FRMD4B: variants seen among roughly 807,000 people sequenced by gnomAD.
The protein encoded by FRMD4B is FERM domain containing 4B, also known as FERM domain-containing protein 4B.
In FRMD4B, 74 loss-of-function variants were observed where a neutral mutation model predicts 141.5. That is an observed-to-expected ratio of 0.52 (90% confidence interval 0.43 to 0.63). The LOEUF (loss-of-function observed/expected upper bound fraction) is 0.63, where lower values mean the gene tolerates loss of function less well. Among genes scored for constraint, FRMD4B ranks in the 30% least tolerant of loss-of-function variants. The pLI is 0.00. For synonymous variants in FRMD4B, 506 were observed against 467.9 expected, an observed-to-expected ratio of 1.08 and a Z score of -1.05; for missense variants, 1,366 against 1,253.4, an observed-to-expected ratio of 1.09 and a Z score of -1.36.
intron 1 of FRMD4B, among the ~76,000 whole-genome samples, chr3:69,486,389 G>T (rs919649469): frequency 1.3e-5 from 2 of 152,014 alleles, no homozygotes; most frequent in Non-Finnish European, 2.9e-5. Context: ...CTCCCTGCAA[G>T]TCCCCAAAGT....
chr3:69,314,598 G>A (rs950968914), intron 1 of FRMD4B, among the ~76,000 whole-genome samples: 3 of 151,820 alleles, frequency 2.0e-5, no homozygotes, highest in Non-Finnish European at 4.4e-5. Context: ...CTTTGGGGGG[G>A]CCAATCAGGG....
intron 2 of FRMD4B, among the ~76,000 whole-genome samples, chr3:69,426,119 T>C (rs905153678): frequency 6.6e-6 from 1 of 152,222 alleles, no homozygotes; most frequent in Non-Finnish European, 1.5e-5. Flanking sequence ...GCATATGCCA[T>C]GTTATCAATA....
At chr3:69,495,970 G>C (rs973303783) in intron 1 of FRMD4B, among the ~76,000 whole-genome samples, 1 of 152,100 alleles carries the variant, frequency 6.6e-6, no homozygotes, top group African/African-American at 2.4e-5. Flanking sequence ...ATGAGTATAT[G>C]GTTTGCAGCC....
chr3:69,295,877 C>T (rs1575702767), intron 4 of FRMD4B, among the ~76,000 whole-genome samples: 2 of 152,064 alleles, frequency 1.3e-5, no homozygotes, highest in Non-Finnish European at 1.5e-5. Context: ...AGTGCAATGG[C>T]GTGATCTTGG....
chr3:69,289,483 C>G (rs1318719899), intron 4 of FRMD4B, among the ~76,000 whole-genome samples: 2 of 152,158 alleles, frequency 1.3e-5, no homozygotes, highest in Admixed American at 6.5e-5. Flanking sequence ...ACACTGTAAC[C>G]CACAACCTGT....
chr3:69,501,567 T>C (rs915395450), intron 1 of FRMD4B, among the ~76,000 whole-genome samples: 1 of 151,992 alleles, frequency 6.6e-6, no homozygotes, highest in Non-Finnish European at 1.5e-5. Flanking sequence ...AAGGCTGAGG[T>C]AATATCACAC....
At chr3:69,236,018 T>C (rs1292082514) in intron 7 of FRMD4B, among the ~76,000 whole-genome samples, 5 of 152,160 alleles carry the variant, frequency 3.3e-5, no homozygotes, top group African/African-American at 1.2e-4. Flanking sequence ...AAATATGTAT[T>C]GCTTAGGTGA....
chr3:69,245,910 TCAC>T (rs2093422990), intron 7 of FRMD4B, among the ~76,000 whole-genome samples: 1 of 143,950 alleles, frequency 6.9e-6, no homozygotes, highest in African/African-American at 2.6e-5. Context: ...TGATCTCGGC[TCAC>T]CACAACCTCT....
chr3:69,378,671 AT>A (rs1411974638), intron 1 of FRMD4B, among the ~76,000 whole-genome samples: 1 of 152,054 alleles, frequency 6.6e-6, no homozygotes, highest in Non-Finnish European at 1.5e-5. Context: ...TGCCAGTGGT[AT>A]TTCTAAATCA....
Position 69,215,284 on chromosome 3 carries a change from CTT to C in FRMD4B, c.876+977_876+978del, listed in dbSNP as rs577275162. On this transcript the variant is annotated intron_variant, in intron 11 of 22. Coordinates refer to ENST00000398540, the MANE Select transcript of FRMD4B (RefSeq NM_015123.3). ...TCCAAATCTGATAGATTGTGACCCTCTTTTTTTTTTTTTTTTTTTTTTTTTTG... is the reference window on the plus strand; with the variant it reads ...TCCAAATCTGATAGATTGTGACCCTCTTTTTTTTTTTTTTTTTTTTTTTTG... 7.6e-3 allele frequency among the ~76,000 whole-genome samples: 344 copies of C among 45,134 alleles called. 1 individual carries two copies. The highest frequency in any genetic ancestry group is 0.023 in the Middle Eastern group (1 of 44). The allele number at this position is 45,134 out of a possible 152,430, so 29.6% of individuals were successfully genotyped here.
chr3:69,424,902 T>G (rs62252260), intron 2 of FRMD4B, among the ~76,000 whole-genome samples: 48,894 of 151,962 alleles, frequency 0.32, 7,988 homozygotes, highest in African/African-American at 0.34. Context: ...TATAGAAAAA[T>G]CACAGGTGCT....
At chr3:69,219,817 C>T (rs2093177045) in intron 9 of FRMD4B, among the ~76,000 whole-genome samples, 2 of 152,164 alleles carry the variant, frequency 1.3e-5, no homozygotes, top group African/African-American at 2.4e-5. Flanking sequence ...GTTCTCCTCC[C>T]TGTCTCCATG....
intron 11 of FRMD4B, among the ~76,000 whole-genome samples, chr3:69,204,236 G>A (rs2092999603): frequency 6.6e-6 from 1 of 152,144 alleles, no homozygotes; most frequent in Non-Finnish European, 1.5e-5. Flanking sequence ...GACCTTCCCA[G>A]GGGCATGAAA....
intron 1 of FRMD4B, among the ~76,000 whole-genome samples, chr3:69,444,470 T>A (rs1362344670): frequency 6.6e-6 from 1 of 152,170 alleles, no homozygotes; most frequent in Non-Finnish European, 1.5e-5. Context: ...GTGTTGTGAT[T>A]ATTGACATAA....
At chr3:69,317,754 C>CAAAAAAAAA (rs765280161) in intron 1 of FRMD4B, among the ~76,000 whole-genome samples, 3 of 52,600 alleles carry the variant, frequency 5.7e-5, no homozygotes, top group Admixed American at 2.7e-4. Context: ...GACACCAACT[C>CAAAAAAAAA]AAAAAAAAAA....
At chr3:69,541,341 G>A (rs1701181233) in intron 1 of FRMD4B, 1 of 152,228 alleles carries the variant, frequency 6.6e-6, no homozygotes, top group African/African-American at 2.4e-5. Flanking sequence ...TCGCAGGAAT[G>A]TTCAGGATAA....
rs955008158 is a variant in FRMD4B, at chr3:69,337,477, C to G, written c.163-23960G>C. On this transcript the variant is annotated intron_variant, in intron 1 of 22. Transcript: ENST00000398540. ...AAATGGGGTCTAATTAAACTAAAGA[C>G]CTTCTTCACAGCAAAAGAAACTACC... 9.9e-5 allele frequency among the ~76,000 whole-genome samples: 15 copies of G among 152,224 alleles called. 1 individual carries two copies. Among genetic ancestry groups the G allele is most frequent in the East Asian group, 7.7e-4 (4 of 5,176 alleles).
chr3:69,244,841 C>G (rs2093411904), intron 7 of FRMD4B, among the ~76,000 whole-genome samples: 1 of 152,172 alleles, frequency 6.6e-6, no homozygotes, highest in African/African-American at 2.4e-5. Context: ...TTGCAATGAG[C>G]TGCACTCCAG....
intron 7 of FRMD4B, among the ~76,000 whole-genome samples, chr3:69,232,919 T>G (rs771417109): frequency 0.055 from 4,348 of 78,486 alleles, 94 homozygotes; most frequent in Non-Finnish European, 0.075. Flanking sequence ...TGTTTGTTTT[T>G]TTTTTTTTTT....
Sources: gnomAD v4.1 joint callset for allele counts (sites outside exome capture counted in the v4.1 genomes callset) on GRCh38, gnomAD v4.1.1 for gene constraint, MANE v1.5 for transcripts, NCBI Gene and HGNC (gene_info 2026-07-23, HGNC 2026-07-21) for gene names.